CACNA2D1: variants seen among roughly 807,000 people sequenced by gnomAD.
CACNA2D1 encodes calcium voltage-gated channel auxiliary subunit alpha2delta 1, also known as voltage-dependent calcium channel subunit alpha-2/delta-1.
In CACNA2D1, 53 loss-of-function variants were observed where a neutral mutation model predicts 171.5. That is an observed-to-expected ratio of 0.31 (90% CI 0.25 to 0.39). The LOEUF (loss-of-function observed/expected upper bound fraction) is 0.39, where lower values mean the gene tolerates loss of function less well. Ranked by LOEUF, CACNA2D1 falls within the 10% of genes least tolerant of loss-of-function variation. CACNA2D1 has a pLI of 1.00. For missense variants in CACNA2D1, 903 were observed against 1,299.8 expected (o/e 0.69, Z 4.69); for synonymous variants, 442 against 443.1 (o/e 1.00, Z 0.03).
intron 7 of CACNA2D1, among the ~76,000 whole-genome samples, chr7:82,075,049 T>C (rs1808793902): frequency 6.6e-6 from 1 of 152,048 alleles, no homozygotes; most frequent in African/African-American, 2.4e-5. Context: ...TGTGTGATGT[T>C]CCCCTCCCTG....
At chr7:82,150,284 A>AAAAAAAAAAAAAC (rs1554432527) in intron 4 of CACNA2D1, among the ~76,000 whole-genome samples, 2 of 137,398 alleles carry the variant, frequency 1.5e-5, no homozygotes, top group Non-Finnish European at 3.2e-5. Context: ...AACAACAACA[A>AAAAAAAAAAAAAC]AAAAAAACAC....
intron 1 of CACNA2D1, among the ~76,000 whole-genome samples, chr7:82,387,918 C>CA (rs1563473830): frequency 6.6e-6 from 1 of 151,794 alleles, no homozygotes; most frequent in African/African-American, 2.4e-5. Flanking sequence ...CCCATCTCTA[C>CA]AAAAAATTAA....
At chr7:81,959,860 G>A (rs1307919105) in intron 36 of CACNA2D1, 31 bp from the exon 37 acceptor site, 5 of 1,602,746 alleles carry the variant, frequency 3.1e-6, no homozygotes, top group Non-Finnish European at 4.3e-6. Context: ...CATAGAAAAT[G>A]AGTATCTTTT....
At chr7:82,046,935 T>C (rs1328835019) in intron 10 of CACNA2D1, among the ~76,000 whole-genome samples, 1 of 152,210 alleles carries the variant, frequency 6.6e-6, no homozygotes, top group Non-Finnish European at 1.5e-5. Flanking sequence ...CCATTTTTAA[T>C]ATATTCTTTT....
chr7:82,081,916 C>T (rs183102824), intron 7 of CACNA2D1, among the ~76,000 whole-genome samples: 55 of 151,960 alleles, frequency 3.6e-4, no homozygotes, highest in African/African-American at 1.3e-3. Flanking sequence ...GGCACAGAAG[C>T]GGGCTCTATG....
In CACNA2D1 at chr7:82,443,247, C is replaced by G; in HGVS notation, c.95+118G>C. On this transcript the variant is annotated intron_variant, in intron 1 of 38. Transcript: ENST00000356860. ...GTCTCCGCATCCGAGCCTGGCTCCC[C>G]GGCCGCTCGCTCCCCACCCCCACGG... The G allele has an allele frequency of 5.0e-6, 5 of 993,134 alleles. No individual in the cohort carries two copies. In the South Asian group the frequency reaches 5.0e-5, roughly 10 times the overall value. The allele number at this position is 993,134 out of a possible 1,614,324, so 61.5% of individuals were successfully genotyped here.
intron 1 of CACNA2D1, among the ~76,000 whole-genome samples, chr7:82,432,095 AG>A (rs1332299562): frequency 6.6e-6 from 1 of 151,762 alleles, no homozygotes. Flanking sequence ...GGCATACAGA[AG>A]GAGCTCAAAA....
chr7:82,196,486 G>A (rs1385159630), intron 3 of CACNA2D1, among the ~76,000 whole-genome samples: 13 of 152,072 alleles, frequency 8.5e-5, no homozygotes, highest in Admixed American at 8.5e-4. Flanking sequence ...GATCTAACTA[G>A]TGCCATTAGG....
At chr7:81,973,244 TAAAC>T (rs1176671050) in intron 25 of CACNA2D1, among the ~76,000 whole-genome samples, 1 of 152,120 alleles carries the variant, frequency 6.6e-6, no homozygotes, top group African/African-American at 2.4e-5. Context: ...TAATAGGAAA[TAAAC>T]AATGACATAA....
chr7:82,331,131 A>G (rs78299952), intron 3 of CACNA2D1, among the ~76,000 whole-genome samples: 3,271 of 152,172 alleles, frequency 0.021, 144 homozygotes, highest in African/African-American at 0.074. Context: ...GGAACTCTCA[A>G]AGTCCCAGTT....
At chr7:82,262,205 C>G (rs1807210252) in intron 3 of CACNA2D1, among the ~76,000 whole-genome samples, 1 of 152,168 alleles carries the variant, frequency 6.6e-6, no homozygotes, top group Non-Finnish European at 1.5e-5. Context: ...GTGGCAGGCA[C>G]CTGTAGTCCC....
Position 82,120,658 on chromosome 7 carries a change from C to T in CACNA2D1, c.397-3485G>A, listed in dbSNP as rs560996969. On this transcript the variant is annotated intron_variant, in intron 5 of 38. Coordinates refer to ENST00000356860, the MANE Select transcript of CACNA2D1 (RefSeq NM_000722.4). ...TTGGGAGGCCAAGGCAGGTGGATCA[C>T]GAGGTCAGGAGTTTGAGACCAGCCT... 7.9e-5 allele frequency among the ~76,000 whole-genome samples: 12 copies of T among 152,044 alleles called. 1 individual carries two copies. The South Asian group carries it at 2.1e-3, about 26-fold the overall frequency.
At chr7:82,136,521 A>T (rs2129078072) in intron 5 of CACNA2D1, 114 bp downstream of exon 5, 1 of 713,722 alleles carries the variant, frequency 1.4e-6, no homozygotes, top group East Asian at 2.7e-5. Flanking sequence ...TATTTTGCTC[A>T]TGCAGTCTAA....
chr7:82,040,486 A>AG (rs1394959274), intron 10 of CACNA2D1, among the ~76,000 whole-genome samples: 5 of 87,068 alleles, frequency 5.7e-5, no homozygotes. Flanking sequence ...AGGCTTCAGG[A>AG]AAAAAAAATG....
intron 3 of CACNA2D1, among the ~76,000 whole-genome samples, chr7:82,274,117 C>T (rs765487267): frequency 2.0e-5 from 3 of 152,100 alleles, no homozygotes. Context: ...GGAACTCAAA[C>T]AGCTCCCTCT....
At chr7:82,233,250 C>G (rs556589405) in intron 3 of CACNA2D1, among the ~76,000 whole-genome samples, 1 of 152,288 alleles carries the variant, frequency 6.6e-6, no homozygotes, top group East Asian at 1.9e-4. Context: ...ATTTTCACAA[C>G]ATGAACATTT....
At chr7:82,286,763 T>C (rs1810828537) in intron 3 of CACNA2D1, among the ~76,000 whole-genome samples, 1 of 152,190 alleles carries the variant, frequency 6.6e-6, no homozygotes. Context: ...AAATGTTTTA[T>C]TTTCTTTTTT....
intron 10 of CACNA2D1, among the ~76,000 whole-genome samples, chr7:82,040,949 T>C (rs2131229344): frequency 6.6e-6 from 1 of 151,414 alleles, no homozygotes; most frequent in South Asian, 2.1e-4. Flanking sequence ...CACTCCAGCC[T>C]GGGCAACAAG....
chr7:82,131,035 C>T (rs1017077596), intron 5 of CACNA2D1, among the ~76,000 whole-genome samples: 1 of 152,048 alleles, frequency 6.6e-6, no homozygotes, highest in African/African-American at 2.4e-5. Context: ...ATCTCTTGAC[C>T]TCGTGATCTG....
Sources: gnomAD v4.1 joint callset for allele counts (sites outside exome capture counted in the v4.1 genomes callset) on GRCh38, gnomAD v4.1.1 for gene constraint, MANE v1.5 for transcripts, NCBI Gene and HGNC (gene_info 2026-07-23, HGNC 2026-07-21) for gene names.